Variants in SMYD3 observed in about 807,000 individuals in gnomAD.
SMYD3 encodes SET and MYND domain containing 3, also known as histone-lysine N-methyltransferase SMYD3.
In SMYD3, 36 loss-of-function variants were observed where a neutral mutation model predicts 57.7. The observed-to-expected ratio is 0.62, with a 90% CI of 0.48 to 0.82. The LOEUF (loss-of-function observed/expected upper bound fraction) is 0.82. SMYD3 is among the 40% of genes least tolerant of loss of function. The pLI is 0.00. For missense variants in SMYD3, 515 were observed against 538.8 expected, an observed-to-expected ratio of 0.96 and a Z score of 0.44; for synonymous variants, 211 against 195.0, an observed-to-expected ratio of 1.08 and a Z score of -0.68.
chr1:245,826,030 T>TTTTTTTTTTTTTTTTTTTTTGAGACGG (rs1572449561), intron 10 of SMYD3, among the ~76,000 whole-genome samples: 2 of 138,436 alleles, frequency 1.4e-5, no homozygotes, highest in Non-Finnish European at 3.1e-5. Context: ...ATGTTGTATT[T>TTTTTTTTTTTTTTTTTTTTTGAGACGG]AATTAAATAT....
At chr1:245,763,727 G>A (rs1336968286) in intron 11 of SMYD3, among the ~76,000 whole-genome samples, 1 of 152,204 alleles carries the variant, frequency 6.6e-6, no homozygotes, top group Non-Finnish European at 1.5e-5. Flanking sequence ...TAAACGTGGA[G>A]AGGGCACAGG....
chr1:246,293,456 A>C (rs564481567), intron 5 of SMYD3, among the ~76,000 whole-genome samples: 21 of 152,182 alleles, frequency 1.4e-4, no homozygotes, highest in Non-Finnish European at 2.6e-4. Context: ...GCAAGTTAAA[A>C]AATTAGAGGA....
intron 5 of SMYD3, among the ~76,000 whole-genome samples, chr1:246,020,568 A>G (rs1167501473): frequency 6.6e-6 from 1 of 152,198 alleles, no homozygotes; most frequent in African/African-American, 2.4e-5. Flanking sequence ...ATAGCAAAAT[A>G]ATAATTATGA....
At chr1:245,817,372 A>G (rs1371795245) in intron 10 of SMYD3, among the ~76,000 whole-genome samples, 4 of 147,286 alleles carry the variant, frequency 2.7e-5, no homozygotes, top group Non-Finnish European at 6.0e-5. Flanking sequence ...AACAGAAAGC[A>G]CATCCACACC....
chr1:246,041,623 T>A (rs2059875309), intron 5 of SMYD3, among the ~76,000 whole-genome samples: 1 of 152,136 alleles, frequency 6.6e-6, no homozygotes, highest in South Asian at 2.1e-4. Context: ...GCAATGTTCA[T>A]ACTCTCTAAG....
At chr1:246,239,901 T>C (rs1416201785) in intron 5 of SMYD3, among the ~76,000 whole-genome samples, 2 of 152,234 alleles carry the variant, frequency 1.3e-5, no homozygotes, top group Non-Finnish European at 2.9e-5. Flanking sequence ...TTGAGAAGCG[T>C]CTGTTCATAT....
At chr1:246,489,645 A>G (rs960053055) in intron 1 of SMYD3, among the ~76,000 whole-genome samples, 1 of 152,218 alleles carries the variant, frequency 6.6e-6, no homozygotes, top group African/African-American at 2.4e-5. Context: ...TAGATCAGAA[A>G]GCTTCAATAT....
At chr1:245,756,062 A>G (rs1383076452) in intron 11 of SMYD3, among the ~76,000 whole-genome samples, 1 of 148,826 alleles carries the variant, frequency 6.7e-6, no homozygotes, top group African/African-American at 2.5e-5. Context: ...ATTACTTTAT[A>G]TAGTTTTGTG....
intron 5 of SMYD3, among the ~76,000 whole-genome samples, chr1:246,028,898 C>T (rs1440026102): frequency 1.3e-5 from 2 of 152,070 alleles, no homozygotes; most frequent in African/African-American, 4.8e-5. Context: ...AAACCATTAG[C>T]ATAGAATAGA....
chr1:246,065,267 C>T (rs1313249347), intron 5 of SMYD3, among the ~76,000 whole-genome samples: 3 of 152,188 alleles, frequency 2.0e-5, no homozygotes, highest in Non-Finnish European at 2.9e-5. Context: ...GGAATGCATA[C>T]GTGCACCCAT....
chr1:246,430,505 T>C (rs762576340), intron 1 of SMYD3, among the ~76,000 whole-genome samples: 1 of 152,116 alleles, frequency 6.6e-6, no homozygotes, highest in Non-Finnish European at 1.5e-5. Flanking sequence ...GCCAGCACAT[T>C]TGGTAGGCAA....
At chr1:245,996,823 G>A (rs1011156472) in intron 5 of SMYD3, among the ~76,000 whole-genome samples, 3 of 152,192 alleles carry the variant, frequency 2.0e-5, no homozygotes, top group Non-Finnish European at 4.4e-5. Flanking sequence ...GGAGGGGAAC[G>A]TGGGGGAGGG....
At chr1:246,266,227 T>C (rs529708665) in intron 5 of SMYD3, among the ~76,000 whole-genome samples, 19 of 152,174 alleles carry the variant, frequency 1.2e-4, no homozygotes, top group Non-Finnish European at 1.6e-4. Flanking sequence ...GCTTTCTTTT[T>C]TTGTAAAAAA....
chr1:246,155,919 T>C (rs1364285076), intron 5 of SMYD3, among the ~76,000 whole-genome samples: 1 of 151,860 alleles, frequency 6.6e-6, no homozygotes, highest in African/African-American at 2.4e-5. Flanking sequence ...TCTCAGAGGC[T>C]GAGGTTGCAA....
chr1:246,099,393 T>C (rs766664865), intron 5 of SMYD3, among the ~76,000 whole-genome samples: 6 of 152,074 alleles, frequency 3.9e-5, no homozygotes, highest in Non-Finnish European at 5.9e-5. Context: ...ATGTCCTCAA[T>C]AGGCAATGGA....
chr1:246,065,020 T>C (rs1375519378), intron 5 of SMYD3, among the ~76,000 whole-genome samples: 1 of 152,236 alleles, frequency 6.6e-6, no homozygotes, highest in Non-Finnish European at 1.5e-5. Flanking sequence ...TGTGTGTGCA[T>C]GGTTTTTTCC....
chr1:246,330,504 A>C lies in SMYD3; in HGVS notation c.370T>G (p.Tyr124Asp). Residue 124 changes from tyrosine to aspartate, a missense_variant, in exon 4 of 12, where the codon TAC (tyrosine) becomes GAC (aspartate). Tyr to Asp is a radical substitution (Grantham distance 160). Coordinates refer to ENST00000490107, the MANE Select transcript of SMYD3 (RefSeq NM_001167740.2). ...DGAPSESEKLYSFYDLESNIN... is the reference protein window; with the variant it reads ...DGAPSESEKLDSFYDLESNIN... The stretch of plus-strand genomic sequence containing the variant: ...CTTGACTCCAGATCATAAAATGAGT[A>C]AAGCTTCTCTGATTCTGAAGGTGCT... The C allele has an allele frequency of 1.3e-6, 2 of 1,594,910 alleles. No homozygotes were observed. The highest frequency in any genetic ancestry group is 1.7e-6 in the Non-Finnish European group (2 of 1,172,072).
At chr1:246,358,773 C>A (rs1234300659) in intron 1 of SMYD3, among the ~76,000 whole-genome samples, 1 of 152,098 alleles carries the variant, frequency 6.6e-6, no homozygotes, top group African/African-American at 2.4e-5. Flanking sequence ...TGAACAATAA[C>A]AGTGACACAA....
At position 246,055,909 on chromosome 1, in the gene SMYD3, A is replaced by G. The variant is rs190609653; in HGVS notation, c.532-125972T>C. Among the ~76,000 whole-genome samples, 176 of 152,310 alleles carry G rather than the reference A, an allele frequency of 1.2e-3. 3 individuals carry two copies. The Middle Eastern group carries it at 0.014, about 12-fold the overall frequency. On this transcript the variant is annotated intron_variant, in intron 5 of 11. Transcript: ENST00000490107. ...TTCAAAGTTTCAGTTCTGGATGATG[A>G]AAAAGAGTTCTGGAGCTGGACAGTG...
Sources: allele counts gnomAD v4.1 joint callset (sites outside exome capture counted in the v4.1 genomes callset), GRCh38; gene constraint gnomAD v4.1.1; transcripts MANE v1.5; gene names NCBI Gene and HGNC (gene_info 2026-07-23, HGNC 2026-07-21).